SERPINB12: variants seen among roughly 807,000 people sequenced by gnomAD.
SERPINB12 encodes serpin family B member 12.
Under a neutral mutation model 41.1 loss-of-function variants are expected in SERPINB12, and 57 were observed. The observed-to-expected ratio is 1.39, with a 90% CI of 1.12 to 1.73. The LOEUF is 1.73. SERPINB12 is among the 40% of genes most tolerant of loss of function. The probability of loss-of-function intolerance (pLI) is 0.00; values close to 1 mark genes in which losing one functional copy is unlikely to be tolerated. For synonymous variants in SERPINB12, 180 were observed against 181.3 expected, an observed-to-expected ratio of 0.99 and a Z score of 0.06; for missense variants, 536 against 501.9, an observed-to-expected ratio of 1.07 and a Z score of -0.65.
At chr18:63,529,356 T>C in the SERPINB12 span, among the ~76,000 whole-genome samples, 4 of 152,182 alleles carry the variant, frequency 2.6e-5, no homozygotes, top group Admixed American at 2.6e-4. Context: ...AAGTGTTTTC[T>C]AAGGTTTTGA....
chr18:63,559,037 T>TCTTTCTTTCTTTCTTC (rs1910793017), intron 3 of SERPINB12, among the ~76,000 whole-genome samples: 1 of 74,132 alleles, frequency 1.3e-5, no homozygotes, highest in Non-Finnish European at 3.5e-5. Context: ...TTTCTTTCTT[T>TCTTTCTTTCTTTCTTC]CTTTCTTTCT....
At chr18:63,534,581 G>A in the SERPINB12 span, among the ~76,000 whole-genome samples, 8 of 152,146 alleles carry the variant, frequency 5.3e-5, no homozygotes, top group African/African-American at 1.9e-4. Context: ...CTAGTGGAAC[G>A]TGGAAATAAC....
chr18:63,529,595 C>T, the SERPINB12 span, among the ~76,000 whole-genome samples: 1 of 152,082 alleles, frequency 6.6e-6, no homozygotes, highest in Non-Finnish European at 1.5e-5. Context: ...TGACAGTTTT[C>T]TACTGGCCCA....
intron 1 of SERPINB12, among the ~76,000 whole-genome samples, chr18:63,551,388 C>T (rs1910525857): frequency 6.6e-6 from 1 of 151,960 alleles, no homozygotes; most frequent in South Asian, 2.1e-4. Flanking sequence ...TGCAATGGCA[C>T]GATTTCAGCT....
At chr18:63,523,009 A>G in the SERPINB12 span, among the ~76,000 whole-genome samples, 1 of 152,178 alleles carries the variant, frequency 6.6e-6, no homozygotes, top group Non-Finnish European at 1.5e-5. Context: ...AATTCAACAT[A>G]TTAATTCAGC....
chr18:63,566,691 C>T lies in SERPINB12; in HGVS notation c.958C>T (p.Pro320Ser). The T allele has an allele frequency of 6.2e-7, 1 of 1,614,044 alleles. No homozygotes were observed. The highest frequency in any genetic ancestry group is 2.2e-5 in the East Asian group (1 of 44,888). The change falls in exon 8 of 8, where the codon CCC becomes TCC. Residue 320 changes from proline to serine, a missense_variant. Pro to Ser is a moderately conservative substitution (Grantham distance 74, BLOSUM62 -1). Coordinates refer to ENST00000382768, the MANE Select transcript of SERPINB12 (RefSeq NM_001307928.2). ...AGAAGAATCGGTGGTCCTGTCCTTC[C>T]CCCGGTTCACCCTGGAAGACAGCTA... ...MSEESVVLSF[P>S]RFTLEDSYDL...
chr18:63,566,837 CT>C lies in SERPINB12; in HGVS notation c.1107del (p.Phe369LeufsTer84). 6.2e-7 allele frequency: 1 copy of C among 1,614,108 alleles called. No homozygotes were observed. The highest frequency in any genetic ancestry group is 8.5e-7 in the Non-Finnish European group (1 of 1,179,976). On this transcript the variant is annotated frameshift_variant, in exon 8 of 8. Coordinates refer to ENST00000382768, the MANE Select transcript of SERPINB12 (RefSeq NM_001307928.2). LOFTEE classifies it high-confidence loss of function. ...ACTTGTCAAAAATTATCCACAAAAC[CT>C]TTGTGGAGGTGGATGAAAACGGTAC... ...LYLSKIIHKTFVEVDENGTQA... is the reference protein window; with the variant it reads ...LYLSKIIHKTXVEVDENGTQA...
chr18:63,548,850 T>C (rs1436502668), intron 1 of SERPINB12, among the ~76,000 whole-genome samples: 1 of 152,078 alleles, frequency 6.6e-6, no homozygotes, highest in Non-Finnish European at 1.5e-5. Context: ...ATCTGTAACT[T>C]TTGGCTGACA....
At chr18:63,550,437 C>T (rs934508555) in intron 1 of SERPINB12, among the ~76,000 whole-genome samples, 1 of 152,186 alleles carries the variant, frequency 6.6e-6, no homozygotes, top group African/African-American at 2.4e-5. Flanking sequence ...TTGTGTTAGG[C>T]ACTAACTTGC....
chr18:63,553,660 C>T (rs576963422), intron 1 of SERPINB12, among the ~76,000 whole-genome samples: 1 of 152,264 alleles, frequency 6.6e-6, no homozygotes, highest in Admixed American at 6.5e-5. Context: ...AGATTTTGAT[C>T]AAACATTAAC....
At chr18:63,546,524 C>T (rs1473414906) in intron 1 of SERPINB12, among the ~76,000 whole-genome samples, 2 of 152,218 alleles carry the variant, frequency 1.3e-5, no homozygotes, top group Middle Eastern at 3.4e-3. Context: ...TTTGCAAATC[C>T]TATGTAATAA....
chr18:63,529,261 C>T, the SERPINB12 span, among the ~76,000 whole-genome samples: 9 of 152,106 alleles, frequency 5.9e-5, no homozygotes, highest in South Asian at 2.1e-4. Flanking sequence ...GCCTTGAATC[C>T]GTTATCTTTG....
chr18:63,525,328 G>T, the SERPINB12 span, among the ~76,000 whole-genome samples: 1 of 151,918 alleles, frequency 6.6e-6, no homozygotes, highest in Non-Finnish European at 1.5e-5. Flanking sequence ...TACTAATTAG[G>T]AATTTTACTC....
chr18:63,547,899 A>G (rs1288048745), intron 1 of SERPINB12, among the ~76,000 whole-genome samples: 1 of 152,192 alleles, frequency 6.6e-6, no homozygotes, highest in Non-Finnish European at 1.5e-5. Flanking sequence ...AGGATTATCT[A>G]CAATGAAAAA....
the SERPINB12 span, among the ~76,000 whole-genome samples, chr18:63,531,376 A>G: frequency 0.063 from 9,578 of 152,284 alleles, 631 homozygotes; most frequent in East Asian, 0.29. Flanking sequence ...TCAAATATTC[A>G]GGGATGGACC....
At chr18:63,560,433 A>G (rs966966285) in intron 4 of SERPINB12, among the ~76,000 whole-genome samples, 1 of 152,246 alleles carries the variant, frequency 6.6e-6, no homozygotes, top group Non-Finnish European at 1.5e-5. Context: ...TTTCCTTGCA[A>G]TGAAAGTAAG....
At chr18:63,538,468 T>G (rs1910214578), upstream of SERPINB12, among the ~76,000 whole-genome samples, 1 of 152,194 alleles carries the variant, frequency 6.6e-6, no homozygotes, top group South Asian at 2.1e-4. Context: ...ACTTGCTTCT[T>G]TCACTTAGCA....
Position 63,559,437 on chromosome 18 carries a change from TC to T in SERPINB12, c.304-136del, listed in dbSNP as rs1910823998. The T allele has an allele frequency of 1.5e-5, 12 of 779,320 alleles. No individual in the cohort carries two copies. The South Asian group carries it at 2.2e-4, about 14-fold the overall frequency. The allele number at this position is 779,320 out of a possible 1,614,324, so 48.3% of individuals were successfully genotyped here. On this transcript the variant is annotated intron_variant, in intron 3 of 7. Coordinates refer to ENST00000382768, the MANE Select transcript of SERPINB12 (RefSeq NM_001307928.2). ...ATTCCTCTGTTCTTCCCAGCTCACT[TC>T]CCCCAGCATGGTAACAGAGACAGCT...
intron 1 of SERPINB12, among the ~76,000 whole-genome samples, chr18:63,553,558 C>A (rs191240283): frequency 6.6e-6 from 1 of 152,186 alleles, no homozygotes; most frequent in Non-Finnish European, 1.5e-5. Flanking sequence ...CCAACCCCTT[C>A]TTTTCCTTCA....
Sources: gnomAD v4.1 joint callset for allele counts (sites outside exome capture counted in the v4.1 genomes callset) on GRCh38, gnomAD v4.1.1 for gene constraint, MANE v1.5 for transcripts, NCBI Gene and HGNC (gene_info 2026-07-23, HGNC 2026-07-21) for gene names.